The following CSMD1 variants were observed in gnomAD, a reference collection of about 807,000 sequenced individuals.
The protein encoded by CSMD1 is CUB and sushi domain-containing protein 1.
Under a neutral mutation model 417.5 loss-of-function variants are expected in CSMD1, and 213 were observed. The observed-to-expected ratio is 0.51, with a 90% CI of 0.46 to 0.57. CSMD1 has a LOEUF of 0.57. Among genes scored for constraint, CSMD1 ranks in the 20% least tolerant of loss-of-function variants. The pLI, the probability that CSMD1 is intolerant of heterozygous loss-of-function variation, is 0.00. For synonymous variants in CSMD1, 2,862 were observed against 1,736.8 expected, an observed-to-expected ratio of 1.65 and a Z score of -16.11; for missense variants, 6,923 against 4,529.7, an observed-to-expected ratio of 1.53 and a Z score of -15.17.
chr8:3,480,247 T>C (rs1050538697), intron 11 of CSMD1, among the ~76,000 whole-genome samples: 2 of 151,996 alleles, frequency 1.3e-5, no homozygotes, highest in African/African-American at 4.8e-5. Flanking sequence ...CTGTAGTCCC[T>C]ACTACTCAGG....
At chr8:3,275,691 A>G (rs936598864) in intron 26 of CSMD1, among the ~76,000 whole-genome samples, 16 of 151,830 alleles carry the variant, frequency 1.1e-4, no homozygotes, top group Non-Finnish European at 1.5e-4. Flanking sequence ...ATCTTCCATC[A>G]CTGATACCAT....
At chr8:4,149,106 G>A (rs1000508448) in intron 3 of CSMD1, among the ~76,000 whole-genome samples, 4 of 151,958 alleles carry the variant, frequency 2.6e-5, no homozygotes, top group Admixed American at 1.3e-4. Context: ...TGGGATTACA[G>A]GCGTGTACCA....
intron 17 of CSMD1, among the ~76,000 whole-genome samples, chr8:3,388,815 G>A (rs137858810): frequency 3.8e-4 from 58 of 152,132 alleles, no homozygotes; most frequent in African/African-American, 1.2e-3. Context: ...CAGAGGCAAC[G>A]TGGATATCAT....
chr8:4,910,019 A>G (rs919692084), intron 1 of CSMD1, among the ~76,000 whole-genome samples: 2 of 152,240 alleles, frequency 1.3e-5, no homozygotes, highest in African/African-American at 2.4e-5. Flanking sequence ...GTTTCAGCAT[A>G]TATGAATAAC....
At chr8:2,958,744 C>T (rs1803217077) in intron 62 of CSMD1, among the ~76,000 whole-genome samples, 1 of 152,226 alleles carries the variant, frequency 6.6e-6, no homozygotes, top group African/African-American at 2.4e-5. Flanking sequence ...TATGAAGGCA[C>T]ATAAGTGCAC....
intron 26 of CSMD1, among the ~76,000 whole-genome samples, chr8:3,263,528 T>C (rs779816188): frequency 1.3e-5 from 2 of 152,252 alleles, no homozygotes; most frequent in Non-Finnish European, 2.9e-5. Context: ...ATTACTGGTC[T>C]ATAGTAAATG....
At chr8:4,531,952 GAAATCCTGC>G (rs1423833998) in intron 2 of CSMD1, among the ~76,000 whole-genome samples, 1 of 83,552 alleles carries the variant, frequency 1.2e-5, no homozygotes, top group Non-Finnish European at 3.3e-5. Context: ...CTCCAGAAAA[GAAATCCTGC>G]ACCTCCATTC....
intron 23 of CSMD1, among the ~76,000 whole-genome samples, chr8:3,327,278 G>A (rs1047043148): frequency 2.0e-5 from 3 of 152,058 alleles, no homozygotes; most frequent in Non-Finnish European, 4.4e-5. Context: ...GAGTAGCTGG[G>A]ACTACAGGCA....
At chr8:4,262,083 A>C (rs1276046600) in intron 3 of CSMD1, among the ~76,000 whole-genome samples, 1 of 152,126 alleles carries the variant, frequency 6.6e-6, no homozygotes, top group African/African-American at 2.4e-5. Flanking sequence ...TTAACCTCTA[A>C]AGTTAGTCAC....
chr8:3,678,794 C>G (rs558362771), intron 7 of CSMD1, among the ~76,000 whole-genome samples: 1 of 152,106 alleles, frequency 6.6e-6, no homozygotes, highest in East Asian at 1.9e-4. Flanking sequence ...AGAGAAAGGT[C>G]GGGTTACCCA....
intron 18 of CSMD1, among the ~76,000 whole-genome samples, chr8:3,376,528 G>A (rs1563325674): frequency 6.6e-6 from 1 of 151,906 alleles, no homozygotes; most frequent in African/African-American, 2.4e-5. Flanking sequence ...CATTCTCCGT[G>A]AAAAATGTGC....
Position 4,127,066 on chromosome 8 carries a change from C to T in CSMD1, c.416-94967G>A, listed in dbSNP as rs909313848. On this transcript the variant is annotated intron_variant, in intron 3 of 69. Transcript: ENST00000635120. ...CATAGTTCAAGTTTTAGCCAAAAAT[C>T]AGTCAATCTCCTGTGATTTTTTTTA... Among the ~76,000 whole-genome samples the T allele has an allele frequency of 6.4e-5, 9 of 140,496 alleles. No homozygotes were observed. In the East Asian group the frequency reaches 1.4e-3, roughly 23 times the overall value. 92.2% of individuals were successfully genotyped at this position (140,496 alleles called of 152,430 possible).
At chr8:3,906,591 T>C (rs538355550) in intron 5 of CSMD1, among the ~76,000 whole-genome samples, 5 of 150,310 alleles carry the variant, frequency 3.3e-5, no homozygotes, top group South Asian at 2.1e-4. Context: ...GATATCATCA[T>C]AAAAGGTAAT....
At chr8:4,225,095 G>C (rs1017250438) in intron 3 of CSMD1, among the ~76,000 whole-genome samples, 7 of 152,172 alleles carry the variant, frequency 4.6e-5, no homozygotes, top group African/African-American at 1.7e-4. Flanking sequence ...CTGGGGAACA[G>C]AGTGAGACTC....
At position 3,225,324 on chromosome 8, in the gene CSMD1, T is replaced by C. The variant is rs192968279; in HGVS notation, c.4346-1457A>G. On this transcript the variant is annotated intron_variant, in intron 27 of 69. Coordinates refer to ENST00000635120, the MANE Select transcript of CSMD1 (RefSeq NM_033225.6). Reference sequence around the variant, plus strand: ...TTTATAATAATAAATTCCACAGATATACGTTCAAGAGTAATATGATATAAT... The same window carrying C: ...TTTATAATAATAAATTCCACAGATACACGTTCAAGAGTAATATGATATAAT... Among the ~76,000 whole-genome samples, 484 of 152,158 alleles carry C rather than the reference T, an allele frequency of 3.2e-3. 2 individuals carry two copies. The highest frequency in any genetic ancestry group is 0.011 in the African/African-American group (451 of 41,518).
intron 2 of CSMD1, among the ~76,000 whole-genome samples, chr8:4,586,041 G>T (rs1475212744): frequency 1.3e-5 from 2 of 152,092 alleles, no homozygotes; most frequent in African/African-American, 4.8e-5. Context: ...CGCATGTAAT[G>T]GTTGTACGTA....
chr8:4,234,801 A>C (rs758674200), intron 3 of CSMD1, among the ~76,000 whole-genome samples: 1 of 152,196 alleles, frequency 6.6e-6, no homozygotes, highest in South Asian at 2.1e-4. Context: ...TAATCATGAG[A>C]AACTGGTGGT....
intron 2 of CSMD1, among the ~76,000 whole-genome samples, chr8:4,422,932 G>C (rs747890601): frequency 6.6e-6 from 1 of 151,828 alleles, no homozygotes; most frequent in African/African-American, 2.4e-5. Context: ...AAAATCACAA[G>C]ATCATAGTAA....
intron 5 of CSMD1, among the ~76,000 whole-genome samples, chr8:3,781,914 A>C (rs943870493): frequency 3.9e-5 from 6 of 152,088 alleles, no homozygotes; most frequent in African/African-American, 1.2e-4. Context: ...TGGTAGACCC[A>C]TTTAATAAGA....
Sources: gnomAD v4.1 joint callset for allele counts (sites outside exome capture counted in the v4.1 genomes callset) on GRCh38, gnomAD v4.1.1 for gene constraint, MANE v1.5 for transcripts, NCBI Gene and HGNC (gene_info 2026-07-23, HGNC 2026-07-21) for gene names.